The following PLEKHM1 variants were observed in gnomAD, a reference collection of about 807,000 sequenced individuals.
The protein encoded by PLEKHM1 is pleckstrin homology domain-containing family M member 1.
Under a neutral mutation model 94.3 loss-of-function variants are expected in PLEKHM1, and 28 were observed. That is an observed-to-expected ratio of 0.30 (90% confidence interval 0.22 to 0.41). The LOEUF is 0.41. PLEKHM1 is among the 10% of genes least tolerant of loss of function. The pLI is 1.00. For synonymous variants in PLEKHM1, 424 were observed against 581.2 expected (o/e 0.73, Z 3.89); for missense variants, 907 against 1,358.6 (o/e 0.67, Z 5.22).
In PLEKHM1 at chr17:45,437,253, T is replaced by C. The variant is rs1198608448; in HGVS notation, c.*605A>G. 1 of 453,990 alleles carries C rather than the reference T, an allele frequency of 2.2e-6. No individual in the cohort carries two copies. The highest frequency in any genetic ancestry group is 4.4e-6 in the Non-Finnish European group (1 of 226,720). 28.1% of individuals were successfully genotyped at this position (453,990 alleles called of 1,614,324 possible). On this transcript the variant is annotated 3_prime_UTR_variant, in exon 12 of 12. Coordinates refer to ENST00000430334, the MANE Select transcript of PLEKHM1 (RefSeq NM_014798.3). This position sits in a 1 kb window ranked among gnomAD's most constrained non-coding sequence, Gnocchi z 4.0. ...GGCCCTGCCCTGCTGAGGGGCGGTT[T>C]GGCACTGGCAGTGAGGGCCAAGGAA... is the stretch of plus-strand genomic sequence containing the variant.
Position 45,458,257 on chromosome 17 carries a change from C to T in PLEKHM1, c.1491G>A (p.Ala497=), listed in dbSNP as rs778221542. The T allele has an allele frequency of 2.5e-5, 40 of 1,611,200 alleles. No homozygotes were observed. Among genetic ancestry groups the T allele is most frequent in the South Asian group, 1.2e-4 (11 of 90,530 alleles). ...GCCTTCTTCCTGGGGAAGGTACACA[C>T]GCTTGGTCTAACGCCCCCAGGGAGC... is the stretch of plus-strand genomic sequence containing the variant. ...KNCSLGALDQ[A]CVPSPGRRQA... is the part of the protein sequence containing the mutation. Residue 497 remains alanine, a synonymous_variant, in exon 6 of 12, where the codon GCG becomes GCA. Coordinates refer to ENST00000430334, the MANE Select transcript of PLEKHM1 (RefSeq NM_014798.3).
At chr17:45,450,507 C>T (rs2050746510) in intron 8 of PLEKHM1, 111 bp downstream of exon 8, 2 of 1,523,080 alleles carry the variant, frequency 1.3e-6, no homozygotes, top group Non-Finnish European at 1.8e-6. Context: ...GTGACCCTGG[C>T]TTCCCTTGTT....
At chr17:45,472,411 C>T (rs1350572165) in intron 4 of PLEKHM1, among the ~76,000 whole-genome samples, 2 of 152,288 alleles carry the variant, frequency 1.3e-5, no homozygotes, top group African/African-American at 2.4e-5. Context: ...AGGATGGTCA[C>T]TGATTCAGTG....
chr17:45,437,336 G>A lies in PLEKHM1; in HGVS notation c.*522C>T, dbSNP rs115554660. ...GCAGTGGCCTGCCCACCAGCCACCC[G>A]CTACCTCTAAGCCAGGCCTGAGTGG... On this transcript the variant is annotated 3_prime_UTR_variant, in exon 12 of 12. Transcript: ENST00000430334. This position sits in a 1 kb window ranked among gnomAD's most constrained non-coding sequence, Gnocchi z 4.0. The A allele has an allele frequency of 2.2e-3, 983 of 454,160 alleles. 10 individuals carry two copies. Among genetic ancestry groups the A allele is most frequent in the African/African-American group, 0.018 (903 of 50,132 alleles). 28.1% of individuals were successfully genotyped at this position (454,160 alleles called of 1,614,324 possible).
intron 3 of PLEKHM1, chr17:45,477,267 C>G (rs964586719): frequency 6.1e-6 from 1 of 164,440 alleles, no homozygotes; most frequent in Non-Finnish European, 1.3e-5. Context: ...AAACCCCTCT[C>G]TACTAAAAAT....
At chr17:45,443,827 A>G (rs62065377) in intron 9 of PLEKHM1, among the ~76,000 whole-genome samples, 19,397 of 152,062 alleles carry the variant, frequency 0.13, 1,581 homozygotes, top group Middle Eastern at 0.21. Flanking sequence ...GGTAGGGAGT[A>G]AGTCAGCGCT....
chr17:45,454,326 G>C, intron 6 of PLEKHM1, 54 bp from the exon 7 acceptor site: 2 of 1,484,948 alleles, frequency 1.3e-6, no homozygotes, highest in Non-Finnish European at 1.8e-6. Context: ...TCTCTGTCCT[G>C]CCCAAGGCAG....
At chr17:45,458,551 A>G in intron 5 of PLEKHM1, 112 bp from the exon 6 acceptor site, 1 of 1,021,508 alleles carries the variant, frequency 9.8e-7, no homozygotes, top group Admixed American at 2.0e-5. Flanking sequence ...GCTCACTGCA[A>G]CCTCTGACTC....
intron 5 of PLEKHM1, among the ~76,000 whole-genome samples, chr17:45,461,110 A>G (rs577528571): frequency 5.9e-5 from 9 of 151,710 alleles, no homozygotes; most frequent in Middle Eastern, 3.5e-3. Flanking sequence ...GATGGTCTCG[A>G]TCTCCTGACC....
chr17:45,455,804 C>G (rs527419987), intron 6 of PLEKHM1, among the ~76,000 whole-genome samples: 1 of 152,142 alleles, frequency 6.6e-6, no homozygotes, highest in Non-Finnish European at 1.5e-5. Flanking sequence ...AGTCCCTCAG[C>G]GTAGGAGCCA....
At chr17:45,456,681 C>T (rs986179762) in intron 6 of PLEKHM1, among the ~76,000 whole-genome samples, 9 of 152,258 alleles carry the variant, frequency 5.9e-5, no homozygotes, top group African/African-American at 2.2e-4. Context: ...GGGCTACCCA[C>T]AGCAAGGCCC....
chr17:45,456,841 C>A (rs2050967041), intron 6 of PLEKHM1, among the ~76,000 whole-genome samples: 2 of 152,198 alleles, frequency 1.3e-5, no homozygotes, highest in African/African-American at 4.8e-5. Flanking sequence ...TTATTTAAGG[C>A]TTTCTGGAAT....
At chr17:45,487,912 A>G in intron 1 of PLEKHM1, 1 of 399,464 alleles carries the variant, frequency 2.5e-6, no homozygotes, top group African/African-American at 2.1e-5. Context: ...TGCTGTACCA[A>G]TTGATGAGTC....
chr17:45,449,545 C>A (rs1244193132), intron 8 of PLEKHM1, among the ~76,000 whole-genome samples: 1 of 152,030 alleles, frequency 6.6e-6, no homozygotes. Flanking sequence ...CATCTACCTA[C>A]CTATCCACCC....
intron 4 of PLEKHM1, among the ~76,000 whole-genome samples, chr17:45,472,816 G>GT (rs1450756739): frequency 1.3e-5 from 2 of 152,200 alleles, no homozygotes; most frequent in Non-Finnish European, 2.9e-5. Flanking sequence ...AGCCCAGTCC[G>GT]TAACACCACC....
intron 9 of PLEKHM1, among the ~76,000 whole-genome samples, chr17:45,442,350 C>T (rs983763344): frequency 1.3e-5 from 2 of 152,170 alleles, no homozygotes; most frequent in African/African-American, 4.8e-5. Context: ...AGCTGCCACC[C>T]AGGGCTCTCC....
At position 45,437,286 on chromosome 17, in the gene PLEKHM1, G is replaced by A. The variant is rs749893379; in HGVS notation, c.*572C>T. ...GCAGTGAGGGCCAAGGAAAGGCACT[G>A]GGTGGGCCCATAGACCCTGTCCCAG... On this transcript the variant is annotated 3_prime_UTR_variant, in exon 12 of 12. Coordinates refer to ENST00000430334, the MANE Select transcript of PLEKHM1 (RefSeq NM_014798.3). This position sits in a 1 kb window ranked among gnomAD's most constrained non-coding sequence, Gnocchi z 4.0. The A allele has an allele frequency of 3.1e-5, 14 of 454,136 alleles. No homozygotes were observed. The East Asian group carries it at 9.0e-4, about 29-fold the overall frequency. 28.1% of individuals were successfully genotyped at this position (454,136 alleles called of 1,614,324 possible). A position where few individuals can be genotyped will look rare whatever the true frequency, so the allele number is the denominator to read the frequency against.
chr17:45,448,643 A>G (rs1597927440), intron 8 of PLEKHM1, among the ~76,000 whole-genome samples: 1 of 152,294 alleles, frequency 6.6e-6, no homozygotes, highest in South Asian at 2.1e-4. Flanking sequence ...GAGAGAAAGG[A>G]CACTGTTCTT....
chr17:45,486,256 AAT>A (rs1403054923), intron 1 of PLEKHM1, among the ~76,000 whole-genome samples: 2 of 148,340 alleles, frequency 1.3e-5, no homozygotes, highest in Non-Finnish European at 3.0e-5. Context: ...TAATAATAAT[AAT>A]AATTTATGTC....
Sources: allele counts gnomAD v4.1 joint callset (sites outside exome capture counted in the v4.1 genomes callset), GRCh38; gene constraint gnomAD v4.1.1; non-coding constraint Gnocchi (gnomAD v3.1); transcripts MANE v1.5; gene names NCBI Gene and HGNC (gene_info 2026-07-23, HGNC 2026-07-21).